The following MYO16 variants were observed in gnomAD, a reference collection of about 807,000 sequenced individuals.
The protein encoded by MYO16 is myosin XVI, also known as unconventional myosin-XVI.
A neutral mutation model predicts 205.3 loss-of-function variants in MYO16; 94 were observed. The observed-to-expected ratio is 0.46, with a 90% CI of 0.39 to 0.54. The LOEUF is 0.54. Ranked by LOEUF, MYO16 falls within the 20% of genes least tolerant of loss-of-function variation. The pLI is 0.00. For synonymous variants in MYO16, 988 were observed against 954.0 expected (o/e 1.04, Z -0.66); for missense variants, 2,315 against 2,387.5 (o/e 0.97, Z 0.63).
At chr13:108,717,197 A>G (rs1278229141) in intron 3 of MYO16, among the ~76,000 whole-genome samples, 1 of 152,202 alleles carries the variant, frequency 6.6e-6, no homozygotes, top group East Asian at 1.9e-4. Context: ...CCCAATGGTA[A>G]CTGAACCCTC....
At chr13:108,839,492 C>A (rs1323235901) in intron 9 of MYO16, among the ~76,000 whole-genome samples, 1 of 152,124 alleles carries the variant, frequency 6.6e-6, no homozygotes, top group African/African-American at 2.4e-5. Flanking sequence ...CCTTCACATT[C>A]TTGCTCAGTT....
At chr13:108,836,994 T>C (rs913357173) in intron 9 of MYO16, among the ~76,000 whole-genome samples, 2 of 152,156 alleles carry the variant, frequency 1.3e-5, no homozygotes, top group East Asian at 3.9e-4. Flanking sequence ...ATGTTTGAAA[T>C]GTGAGAACAT....
chr13:108,600,187 TA>T (rs1878712989), intron 1 of MYO16, among the ~76,000 whole-genome samples: 1 of 152,068 alleles, frequency 6.6e-6, no homozygotes, highest in Non-Finnish European at 1.5e-5. Context: ...AGTGTAAGGG[TA>T]GGGGGAAATT....
intron 16 of MYO16, among the ~76,000 whole-genome samples, chr13:108,924,140 A>G (rs1367943375): frequency 6.6e-6 from 1 of 152,208 alleles, no homozygotes; most frequent in Non-Finnish European, 1.5e-5. Context: ...TACATTAAAA[A>G]TTCATTTGAG....
chr13:108,571,383 C>T, the MYO16 span, among the ~76,000 whole-genome samples: 39 of 151,704 alleles, frequency 2.6e-4, no homozygotes, highest in African/African-American at 8.5e-4. Flanking sequence ...CTGAATTTGG[C>T]AAGGACTACA....
chr13:108,871,695 C>T (rs2139139260), intron 12 of MYO16, among the ~76,000 whole-genome samples: 1 of 152,262 alleles, frequency 6.6e-6, no homozygotes, highest in South Asian at 2.1e-4. Flanking sequence ...CTGTGTGAGG[C>T]TGCTCAAATC....
At chr13:109,027,473 T>C (rs1271277259) in intron 23 of MYO16, among the ~76,000 whole-genome samples, 6 of 152,126 alleles carry the variant, frequency 3.9e-5, no homozygotes, top group Non-Finnish European at 8.8e-5. Flanking sequence ...CTTCACCACA[T>C]CGTGGGGTGA....
intron 32 of MYO16, among the ~76,000 whole-genome samples, chr13:109,145,631 G>A (rs1438230175): frequency 2.0e-5 from 3 of 152,198 alleles, no homozygotes; most frequent in Non-Finnish European, 2.9e-5. Context: ...TCCATCTCAT[G>A]TGATGATGTG....
At chr13:108,746,628 CAT>C (rs1283358995) in intron 4 of MYO16, among the ~76,000 whole-genome samples, 1 of 151,956 alleles carries the variant, frequency 6.6e-6, no homozygotes, top group Non-Finnish European at 1.5e-5. Context: ...TAAATTGTCA[CAT>C]ATACTCCCAA....
At chr13:109,013,599 C>CT (rs1885696831) in intron 22 of MYO16, among the ~76,000 whole-genome samples, 2 of 152,164 alleles carry the variant, frequency 1.3e-5, no homozygotes, top group Non-Finnish European at 2.9e-5. Context: ...AAAAGCATTC[C>CT]TATTTCTCCA....
chr13:108,848,027 G>A (rs1222206066), intron 10 of MYO16, among the ~76,000 whole-genome samples: 1 of 152,180 alleles, frequency 6.6e-6, no homozygotes, highest in Non-Finnish European at 1.5e-5. Context: ...CAGCTTTGCC[G>A]TGGTTCAGGT....
chr13:108,933,970 A>G lies in MYO16; in HGVS notation c.1926-23718A>G, dbSNP rs141617994. Among the ~76,000 whole-genome samples, 487 of 152,262 alleles carry G rather than the reference A, an allele frequency of 3.2e-3. 8 individuals carry two copies. The highest frequency in any genetic ancestry group is 0.011 in the African/African-American group (459 of 41,552). ...GGCTGTGTAGTATTCCATGGTGTATATGTACCACATTTTCTTTATTGAACT... is the reference window on the plus strand; with the variant it reads ...GGCTGTGTAGTATTCCATGGTGTATGTGTACCACATTTTCTTTATTGAACT... On this transcript the variant is annotated intron_variant, in intron 16 of 34. Transcript: ENST00000457511.
intron 7 of MYO16, among the ~76,000 whole-genome samples, chr13:108,811,765 C>CT (rs1359143802): frequency 1.3e-5 from 2 of 152,094 alleles, no homozygotes; most frequent in African/African-American, 4.8e-5. Context: ...CTCACTGCCT[C>CT]TCCCCTCATC....
At chr13:108,603,186 T>C (rs1340918510) in intron 1 of MYO16, among the ~76,000 whole-genome samples, 1 of 152,180 alleles carries the variant, frequency 6.6e-6, no homozygotes, top group Non-Finnish European at 1.5e-5. Context: ...ATGTGTGTCA[T>C]GATTGTGTTG....
At chr13:108,581,990 T>A in the MYO16 span, among the ~76,000 whole-genome samples, 1 of 152,192 alleles carries the variant, frequency 6.6e-6, no homozygotes, top group African/African-American at 2.4e-5. Flanking sequence ...CCAGTGTGTT[T>A]ATTGAGCTAA....
Position 109,009,113 on chromosome 13 carries a change from G to T in MYO16, c.2595+64G>T, listed in dbSNP as rs866772590. The T allele has an allele frequency of 2.4e-5, 32 of 1,345,040 alleles. No individual in the cohort carries two copies. The Middle Eastern group carries it at 1.2e-3, about 50-fold the overall frequency. The allele number at this position is 1,345,040 out of a possible 1,614,324, so 83.3% of individuals were successfully genotyped here. On this transcript the variant is annotated intron_variant, in intron 22 of 34. Coordinates refer to ENST00000457511, the MANE Select transcript of MYO16 (RefSeq NM_001198950.3). ...TGGGTTTAAATATACTGGAGACAAAGAATTTTCTTTCAGGACGCCTTATTT... is the reference window on the plus strand; with the variant it reads ...TGGGTTTAAATATACTGGAGACAAATAATTTTCTTTCAGGACGCCTTATTT...
intron 9 of MYO16, among the ~76,000 whole-genome samples, chr13:108,842,001 T>C (rs1184213317): frequency 6.6e-6 from 1 of 152,166 alleles, no homozygotes. Context: ...TAATTGGTAC[T>C]AGGAAAACTG....
At chr13:108,801,700 T>A (rs1435506776) in intron 6 of MYO16, among the ~76,000 whole-genome samples, 5 of 152,178 alleles carry the variant, frequency 3.3e-5, no homozygotes, top group Admixed American at 3.3e-4. Flanking sequence ...AAGCTGTGAC[T>A]TGTGCTGGCT....
At position 109,100,789 on chromosome 13, in the gene MYO16, A is replaced by G; in HGVS notation, c.3340A>G (p.Lys1114Glu). 1 of 1,610,388 alleles carries G rather than the reference A, an allele frequency of 6.2e-7. No homozygotes were observed. The highest frequency in any genetic ancestry group is 1.1e-5 in the South Asian group (1 of 90,976). ...LSFSDFLSRY[K>E]PLADTFLREK... Reference sequence around the variant, plus strand: ...TGTCTCTGCTGCTTTTCACAGGTATAAGCCACTGGCTGATACATTCCTGCG... The same window carrying G: ...TGTCTCTGCTGCTTTTCACAGGTATGAGCCACTGGCTGATACATTCCTGCG... The change falls in exon 28 of 35, where the codon AAG becomes GAG. Residue 1114 changes from lysine to glutamate, a missense_variant. Physicochemically the swap from Lys to Glu is moderately conservative, Grantham distance 56 (BLOSUM62 1). Transcript: ENST00000457511.
Sources: gnomAD v4.1 joint callset for allele counts (sites outside exome capture counted in the v4.1 genomes callset) on GRCh38, gnomAD v4.1.1 for gene constraint, MANE v1.5 for transcripts, NCBI Gene and HGNC (gene_info 2026-07-23, HGNC 2026-07-21) for gene names.